Variants in VPS13D observed in about 807,000 individuals in gnomAD.
VPS13D encodes intermembrane lipid transfer protein VPS13D.
VPS13D carries 187 observed loss-of-function variants against 461.9 expected under a neutral mutation model. That is an observed-to-expected ratio of 0.40 (90% CI 0.36 to 0.46). The LOEUF (loss-of-function observed/expected upper bound fraction) is 0.46. Ranked by LOEUF, VPS13D falls within the 20% of genes least tolerant of loss-of-function variation. The probability of loss-of-function intolerance (pLI) is 0.60; values close to 1 mark genes in which losing one functional copy is unlikely to be tolerated. For missense variants in VPS13D, 4,711 were observed against 5,364.9 expected (o/e 0.88, Z 3.81); for synonymous variants, 1,951 against 1,986.3 (o/e 0.98, Z 0.47).
intron 27 of VPS13D, among the ~76,000 whole-genome samples, chr1:12,309,714 A>T (rs909986105): frequency 1.3e-5 from 2 of 148,544 alleles, no homozygotes; most frequent in African/African-American, 5.0e-5. Flanking sequence ...GTGAGCCTAG[A>T]TTGAGCCGCT....
intron 30 of VPS13D, among the ~76,000 whole-genome samples, chr1:12,316,948 C>T (rs924652377): frequency 2.0e-4 from 30 of 152,112 alleles, no homozygotes; most frequent in African/African-American, 3.9e-4. Flanking sequence ...TGAGAGTCCT[C>T]GCTGGGTTTT....
chr1:12,398,323 C>T (rs903910526), intron 60 of VPS13D, among the ~76,000 whole-genome samples: 4 of 151,912 alleles, frequency 2.6e-5, no homozygotes, highest in Admixed American at 2.6e-4. Context: ...CTTCCACTTA[C>T]AAGCTGTGCG....
chr1:12,263,493 A>G (rs1299351538), intron 13 of VPS13D, among the ~76,000 whole-genome samples: 1 of 152,272 alleles, frequency 6.6e-6, no homozygotes, highest in Non-Finnish European at 1.5e-5. Context: ...GAATCTGTGA[A>G]TAATGAGGAT....
At chr1:12,375,929 T>C (rs1418982936) in intron 55 of VPS13D, among the ~76,000 whole-genome samples, 3 of 152,108 alleles carry the variant, frequency 2.0e-5, no homozygotes, top group South Asian at 4.2e-4. Flanking sequence ...AACTAAATTA[T>C]TAGGGAAGGG....
intron 6 of VPS13D, among the ~76,000 whole-genome samples, chr1:12,249,811 A>G (rs1172693057): frequency 6.6e-6 from 1 of 152,198 alleles, no homozygotes; most frequent in East Asian, 1.9e-4. Context: ...CACTTTTGAC[A>G]CCAGACGTGT....
intron 67 of VPS13D, among the ~76,000 whole-genome samples, chr1:12,494,913 C>T (rs1384123453): frequency 6.6e-6 from 1 of 152,200 alleles, no homozygotes; most frequent in Non-Finnish European, 1.5e-5. Flanking sequence ...CAATTAATGG[C>T]CCTTATACCG....
intron 50 of VPS13D, among the ~76,000 whole-genome samples, chr1:12,359,170 G>C (rs1003443377): frequency 6.6e-6 from 1 of 152,110 alleles, no homozygotes; most frequent in African/African-American, 2.4e-5. Context: ...GGGAGGGGAG[G>C]ATACTGTACC....
Position 12,396,018 on chromosome 1 carries a change from TA to T in VPS13D, c.11635-4162del, listed in dbSNP as rs1557754733. On this transcript the variant is annotated intron_variant, in intron 60 of 69. Coordinates refer to ENST00000620676, the MANE Select transcript of VPS13D (RefSeq NM_015378.4). ...GGAGATATATATATATATATATATATATATATATATAGTTCTTTAAGATCAA... is the reference window on the plus strand; with the variant it reads ...GGAGATATATATATATATATATATATTATATATATAGTTCTTTAAGATCAA... 5.5e-4 allele frequency among the ~76,000 whole-genome samples: 76 copies of T among 137,042 alleles called. 4 individuals carry two copies. Among genetic ancestry groups the T allele is most frequent in the South Asian group, 5.2e-3 (23 of 4,420 alleles). The allele number at this position is 137,042 out of a possible 152,430, so 89.9% of individuals were successfully genotyped here.
chr1:12,361,824 G>T (rs182814654), intron 50 of VPS13D, among the ~76,000 whole-genome samples: 1 of 151,966 alleles, frequency 6.6e-6, no homozygotes, highest in South Asian at 2.1e-4. Context: ...CATAGTAGGC[G>T]CTGAAAACAG....
intron 55 of VPS13D, among the ~76,000 whole-genome samples, chr1:12,378,071 CA>C (rs906811535): frequency 2.0e-5 from 3 of 152,132 alleles, no homozygotes; most frequent in African/African-American, 7.2e-5. Context: ...GGACGGTCAT[CA>C]TCTGGAATGG....
rs1642362834 is a variant in VPS13D at position 12,299,508 on chromosome 1, G to T, written c.6216+124G>T. 5 of 1,133,110 alleles carry T rather than the reference G, an allele frequency of 4.4e-6. No individual in the cohort carries two copies. The highest frequency in any genetic ancestry group is 6.6e-5 in the Admixed American group (2 of 30,088). The allele number at this position is 1,133,110 out of a possible 1,614,324, so 70.2% of individuals were successfully genotyped here. A position where few individuals can be genotyped will look rare whatever the true frequency, so the allele number is the denominator to read the frequency against. ...ACTTTTGTAGGGTATGTGGCTTGAA[G>T]AATTTTTTTTGGCATTTTATTGATA... On this transcript the variant is annotated intron_variant, in intron 25 of 69. Coordinates refer to ENST00000620676, the MANE Select transcript of VPS13D (RefSeq NM_015378.4). This position sits in a 1 kb window ranked among gnomAD's most constrained non-coding sequence, Gnocchi z 4.2.
intron 49 of VPS13D, 116 bp downstream of exon 49, chr1:12,356,640 T>C: frequency 7.4e-7 from 1 of 1,359,696 alleles, no homozygotes; most frequent in Non-Finnish European, 9.8e-7. Context: ...AATCCTGACT[T>C]GGCAGGGGAA....
chr1:12,432,425 A>G (rs1215009770), intron 65 of VPS13D, among the ~76,000 whole-genome samples: 1 of 151,564 alleles, frequency 6.6e-6, no homozygotes, highest in African/African-American at 2.4e-5. Context: ...GAGCGAAAAC[A>G]TCTTTAGTAC....
intron 61 of VPS13D, among the ~76,000 whole-genome samples, chr1:12,400,877 C>T (rs1038050549): frequency 4.6e-5 from 7 of 151,210 alleles, no homozygotes; most frequent in Admixed American, 2.0e-4. Flanking sequence ...GGTCCTGAGC[C>T]TGGGAGTTCG....
At position 12,261,881 on chromosome 1, in the gene VPS13D, T is replaced by C. The variant is rs1157840220; in HGVS notation, c.1415-20T>C. ...TTCTTCCACGTTTTTTCTTACAGTC[T>C]TTTCTCCCTTACCATTTAGGCACTG... On this transcript the variant is annotated intron_variant, in intron 12 of 69. Transcript: ENST00000620676. 2 of 1,585,456 alleles carry C rather than the reference T, an allele frequency of 1.3e-6. No individual in the cohort carries two copies. Among genetic ancestry groups the C allele is most frequent in the Non-Finnish European group, 1.7e-6 (2 of 1,161,720 alleles).
At chr1:12,318,045 T>G in intron 30 of VPS13D, 27 bp from the exon 31 acceptor site, 3 of 1,579,158 alleles carry the variant, frequency 1.9e-6, no homozygotes, top group South Asian at 1.2e-5. Flanking sequence ...TTTTTCCTAT[T>G]TATTTTCTCC....
intron 38 of VPS13D, among the ~76,000 whole-genome samples, chr1:12,335,346 C>T (rs898872045): frequency 6.6e-6 from 1 of 152,186 alleles, no homozygotes; most frequent in African/African-American, 2.4e-5. Context: ...AGATTACAGG[C>T]GTGAGCCACC....
chr1:12,494,725 G>T (rs949166954), intron 67 of VPS13D, among the ~76,000 whole-genome samples: 1 of 152,184 alleles, frequency 6.6e-6, no homozygotes, highest in Non-Finnish European at 1.5e-5. Flanking sequence ...CTGCCGTCAT[G>T]TCCCTTTCTG....
chr1:12,408,390 CAG>C (rs1473697130), intron 63 of VPS13D, among the ~76,000 whole-genome samples: 2 of 152,008 alleles, frequency 1.3e-5, no homozygotes, highest in African/African-American at 4.8e-5. Flanking sequence ...GTGGGGAAGA[CAG>C]GGTCTCACTC....
Sources: allele counts gnomAD v4.1 joint callset (sites outside exome capture counted in the v4.1 genomes callset), GRCh38; gene constraint gnomAD v4.1.1; non-coding constraint Gnocchi (gnomAD v3.1); transcripts MANE v1.5; gene names NCBI Gene and HGNC (gene_info 2026-07-23, HGNC 2026-07-21).